SAYSD1: variants seen among roughly 807,000 people sequenced by gnomAD.
The protein encoded by SAYSD1 is SAYSVFN motif domain containing 1.
In SAYSD1, 15 loss-of-function variants were observed where a neutral mutation model predicts 14.5. That is an observed-to-expected ratio of 1.03 (90% CI 0.69 to 1.59). The LOEUF is 1.59. Ranked by LOEUF, SAYSD1 falls within the 40% of genes most tolerant of loss-of-function variation. SAYSD1 has a pLI of 0.00. For synonymous variants in SAYSD1, 105 were observed against 102.6 expected (o/e 1.02, Z -0.14); for missense variants, 247 against 227.3 (o/e 1.09, Z -0.56).
chr6:39,108,592 G>A (rs1341054744), intron 1 of SAYSD1, among the ~76,000 whole-genome samples: 12 of 152,132 alleles, frequency 7.9e-5, no homozygotes, highest in Non-Finnish European at 1.8e-4. Context: ...GCCCAAGGAA[G>A]GCACTGCCAT....
intron 1 of SAYSD1, 68 bp from the exon 2 acceptor site, chr6:39,105,844 G>C (rs1769493774): frequency 1.4e-6 from 2 of 1,437,932 alleles, no homozygotes; most frequent in Non-Finnish European, 1.9e-6. Flanking sequence ...AAACTAATCT[G>C]AAAAGGCAGT....
Position 39,115,072 on chromosome 6 carries a change from A to C in SAYSD1, c.18T>G (p.Ala6=), listed in dbSNP as rs1384618274. 16 of 1,608,064 alleles carry C rather than the reference A, an allele frequency of 9.9e-6. No individual in the cohort carries two copies. The highest frequency in any genetic ancestry group is 3.3e-4 in the Middle Eastern group (2 of 6,050). Residue 6 remains alanine (A), a synonymous_variant, in exon 1 of 2, where the codon GCT becomes GCG. Coordinates refer to ENST00000229903, the MANE Select transcript of SAYSD1 (RefSeq NM_018322.3). Reference sequence around the variant, plus strand: ...CCCGTTTCCGCGCCGCCCGAAACTCAGCTAACCGCTGTTCCATGGCGCGCG... The same window carrying C: ...CCCGTTTCCGCGCCGCCCGAAACTCCGCTAACCGCTGTTCCATGGCGCGCG... MEQRL[A]EFRAARKRAG...
chr6:39,114,412 G>C (rs554026530), intron 1 of SAYSD1, among the ~76,000 whole-genome samples: 2 of 152,338 alleles, frequency 1.3e-5, no homozygotes, highest in Admixed American at 6.5e-5. Context: ...GTATTCAAAC[G>C]CATTTCTAAG....
intron 1 of SAYSD1, chr6:39,109,591 A>C: frequency 2.2e-6 from 3 of 1,383,576 alleles, no homozygotes; most frequent in Non-Finnish European, 2.8e-6. Context: ...TTCTTTGTGC[A>C]TATACATTAC....
chr6:39,106,519 ACT>A (rs1017531989), intron 1 of SAYSD1, among the ~76,000 whole-genome samples: 13 of 152,016 alleles, frequency 8.6e-5, no homozygotes, highest in African/African-American at 3.1e-4. Context: ...AGACCAAGAC[ACT>A]GTCTCAAAAA....
At chr6:39,113,489 A>G (rs765559504) in intron 1 of SAYSD1, 2 of 152,662 alleles carry the variant, frequency 1.3e-5, no homozygotes, top group Non-Finnish European at 2.9e-5. Flanking sequence ...TGATAAGTCA[A>G]TGAAAATGAG....
intron 1 of SAYSD1, chr6:39,109,731 T>C: frequency 1.9e-6 from 1 of 540,174 alleles, no homozygotes; most frequent in Non-Finnish European, 2.4e-6. Flanking sequence ...TCTGGGTTTC[T>C]TGGGTTTCTC....
At chr6:39,107,573 AG>A (rs1769529780) in intron 1 of SAYSD1, among the ~76,000 whole-genome samples, 2 of 152,228 alleles carry the variant, frequency 1.3e-5, no homozygotes, top group Non-Finnish European at 2.9e-5. Flanking sequence ...CATATTTAAA[AG>A]GGGATCACAA....
intron 1 of SAYSD1, chr6:39,109,270 G>A (rs1403857201): frequency 1.4e-5 from 21 of 1,523,688 alleles, no homozygotes; most frequent in Middle Eastern, 1.7e-4. Context: ...GGATATGGCT[G>A]GAGAGGGAAG....
Position 39,115,140 on chromosome 6 carries a change from C to T in SAYSD1, c.-51G>A, listed in dbSNP as rs768718312. ...GATAAGGGAGCGCGCGCCCGCAGGCCGCACAGCAGTTGCCTCCGCTCGGCC... is the reference window on the plus strand; with the variant it reads ...GATAAGGGAGCGCGCGCCCGCAGGCTGCACAGCAGTTGCCTCCGCTCGGCC... On this transcript the variant is annotated 5_prime_UTR_variant, in exon 1 of 2. Transcript: ENST00000229903. 1 of 1,536,674 alleles carries T rather than the reference C, an allele frequency of 6.5e-7. No homozygotes were observed. The highest frequency in any genetic ancestry group is 8.7e-7 in the Non-Finnish European group (1 of 1,144,786).
chr6:39,107,399 C>T (rs962497064), intron 1 of SAYSD1, among the ~76,000 whole-genome samples: 1 of 152,160 alleles, frequency 6.6e-6, no homozygotes, highest in Non-Finnish European at 1.5e-5. Flanking sequence ...ACTACAGTGT[C>T]TCTCTTTTAC....
Position 39,105,453 on chromosome 6 carries a change from C to T in SAYSD1, c.531G>A (p.Leu177=), listed in dbSNP as rs1422266324. The T allele has an allele frequency of 1.2e-6, 2 of 1,614,086 alleles. No individual in the cohort carries two copies. Among genetic ancestry groups the T allele is most frequent in the African/African-American group, 2.7e-5 (2 of 74,932 alleles). ...TAEQLERELQ[L]RPLAGR ...GGTCCTATCTCCCTGCCAGGGGTCT[C>T]AACTGTAACTCGCGCTCCAACTGCT... The change falls in exon 2 of 2, where the codon TTG becomes TTA. Residue 177 remains leucine (L), a synonymous_variant. Transcript: ENST00000229903.
rs199509321 is a variant in SAYSD1 at position 39,115,005 on chromosome 6, G to C, written c.85C>G (p.Gln29Glu). ...AQPPAASQGA[Q>E]TPGEKAEAAA... ...GCTTCCGCCTTCTCTCCTGGGGTTT[G>C]TGCGCCCTGACTGGCAGCAGGGGGT... Residue 29 changes from glutamine (Q) to glutamate (E), a missense_variant, in exon 1 of 2, where the codon CAA becomes GAA. By Grantham distance (29) the Gln-to-Glu change is conservative (BLOSUM62 2). Transcript: ENST00000229903. 6.2e-7 allele frequency: 1 copy of C among 1,613,676 alleles called. No homozygotes were observed. The highest frequency in any genetic ancestry group is 2.2e-5 in the East Asian group (1 of 44,872).
chr6:39,108,432 G>C (rs1248205220), intron 1 of SAYSD1, among the ~76,000 whole-genome samples: 1 of 149,544 alleles, frequency 6.7e-6, no homozygotes, highest in African/African-American at 2.5e-5. Context: ...GTGGGGGTGG[G>C]GGGGTAAACA....
intron 1 of SAYSD1, among the ~76,000 whole-genome samples, chr6:39,108,220 A>G (rs1347554946): frequency 1.3e-5 from 2 of 152,210 alleles, no homozygotes; most frequent in Non-Finnish European, 2.9e-5. Flanking sequence ...TAATCCAGGA[A>G]GCAGGCATTA....
Position 39,115,047 on chromosome 6 carries a change from C to G in SAYSD1, c.43G>C (p.Ala15Pro), listed in dbSNP as rs758548333. 1 of 1,611,410 alleles carries G rather than the reference C, an allele frequency of 6.2e-7. No homozygotes were observed. The highest frequency in any genetic ancestry group is 8.5e-7 in the Non-Finnish European group (1 of 1,179,848). Reference sequence around the variant, plus strand: ...GCAGGGGGTTGGGCCGCCAGACCCGCCCGTTTCCGCGCCGCCCGAAACTCA... The same window carrying G: ...GCAGGGGGTTGGGCCGCCAGACCCGGCCGTTTCCGCGCCGCCCGAAACTCA... ...LAEFRAARKR[A>P]GLAAQPPAAS... Residue 15 changes from alanine to proline, a missense_variant, in exon 1 of 2, where the codon GCG becomes CCG. Physicochemically the swap from Ala to Pro is conservative, Grantham distance 27. Coordinates refer to ENST00000229903, the MANE Select transcript of SAYSD1 (RefSeq NM_018322.3).
intron 1 of SAYSD1, chr6:39,111,785 C>T (rs1769630598): frequency 6.6e-6 from 1 of 152,116 alleles, no homozygotes. Flanking sequence ...CTGTGAACAA[C>T]TTACACTAGA....
intron 1 of SAYSD1, among the ~76,000 whole-genome samples, chr6:39,108,201 G>A (rs1358698874): frequency 6.6e-6 from 1 of 152,134 alleles, no homozygotes; most frequent in Admixed American, 6.5e-5. Context: ...TCCAATGTAT[G>A]AACTCTGGTA....
chr6:39,106,682 C>T (rs763570392), intron 1 of SAYSD1, among the ~76,000 whole-genome samples: 3 of 152,216 alleles, frequency 2.0e-5, no homozygotes, highest in Non-Finnish European at 2.9e-5. Flanking sequence ...CCCAAGCCAT[C>T]CTATGTACAA....
Sources: gnomAD v4.1 joint callset for allele counts (sites outside exome capture counted in the v4.1 genomes callset) on GRCh38, gnomAD v4.1.1 for gene constraint, MANE v1.5 for transcripts, NCBI Gene and HGNC (gene_info 2026-07-23, HGNC 2026-07-21) for gene names.